Variants in ACTR3C observed in about 807,000 individuals in gnomAD.
ACTR3C encodes actin related protein 3C, also known as actin-related protein 3C.
In ACTR3C, 18 loss-of-function variants were observed where a neutral mutation model predicts 26.3. The observed-to-expected ratio is 0.68, with a 90% CI of 0.47 to 1.01. The LOEUF is 1.01. Among genes scored for constraint, ACTR3C ranks in the 50% least tolerant of loss-of-function variants. The pLI is 0.00. For missense variants in ACTR3C, 184 were observed against 250.7 expected, an observed-to-expected ratio of 0.73 and a Z score of 1.80; for synonymous variants, 55 against 94.5, an observed-to-expected ratio of 0.58 and a Z score of 2.42.
intron 4 of ACTR3C, 47 bp downstream of exon 4, chr7:150,289,403 A>G: frequency 2.0e-6 from 3 of 1,526,660 alleles, no homozygotes; most frequent in South Asian, 2.7e-5. Context: ...TGTCCAGAAC[A>G]CCATCTCTCT....
the ACTR3C span, among the ~76,000 whole-genome samples, chr7:150,227,047 T>G: frequency 0.067 from 8,655 of 129,104 alleles, 632 homozygotes; most frequent in African/African-American, 0.16. Context: ...AATGTGATGT[T>G]TTGACCTACA....
At chr7:150,138,567 C>T in the ACTR3C span, among the ~76,000 whole-genome samples, 22 of 152,258 alleles carry the variant, frequency 1.4e-4, no homozygotes, top group Admixed American at 6.5e-5. Flanking sequence ...TCTGGAGAAG[C>T]ATTCATACTG....
At chr7:150,148,145 T>G in the ACTR3C span, among the ~76,000 whole-genome samples, 1 of 122,266 alleles carries the variant, frequency 8.2e-6, no homozygotes, top group African/African-American at 2.9e-5. Context: ...ACCTCTGAGC[T>G]TAAAAGTTAA....
chr7:149,963,039 A>C, the ACTR3C span, among the ~76,000 whole-genome samples: 1 of 152,218 alleles, frequency 6.6e-6, no homozygotes, highest in Admixed American at 6.5e-5. Flanking sequence ...TGCTGAGCAG[A>C]GGTGTGGACC....
At chr7:149,945,950 G>A in the ACTR3C span, among the ~76,000 whole-genome samples, 57,638 of 151,968 alleles carry the variant, frequency 0.38, 12,257 homozygotes, top group Non-Finnish European at 0.47. Flanking sequence ...GTGGAGGAGG[G>A]AGACAGGCGA....
chr7:149,991,249 AC>A, the ACTR3C span, among the ~76,000 whole-genome samples: 46 of 152,152 alleles, frequency 3.0e-4, no homozygotes, highest in African/African-American at 1.1e-3. Context: ...TGAATCGATT[AC>A]CTCCCACTGT....
chr7:150,161,737 C>G, the ACTR3C span, among the ~76,000 whole-genome samples: 4 of 152,134 alleles, frequency 2.6e-5, no homozygotes, highest in Admixed American at 6.5e-5. Context: ...TGCAGCACTA[C>G]TCACAATAGT....
intron 1 of ACTR3C, among the ~76,000 whole-genome samples, chr7:150,303,715 G>A (rs1158987142): frequency 6.6e-6 from 1 of 152,174 alleles, no homozygotes; most frequent in African/African-American, 2.4e-5. Flanking sequence ...GGAGACAAAT[G>A]TATTATTCTC....
the ACTR3C span, among the ~76,000 whole-genome samples, chr7:150,105,172 T>C: frequency 6.6e-6 from 1 of 150,746 alleles, no homozygotes; most frequent in East Asian, 1.9e-4. Flanking sequence ...AAGCTCTGCC[T>C]CCTGGATTCA....
Position 150,322,152 on chromosome 7 carries a change from T to G in ACTR3C, c.-52+1317A>C, listed in dbSNP as rs549673526. On this transcript the variant is annotated intron_variant, in intron 1 of 7. Transcript: ENST00000683684. The stretch of plus-strand genomic sequence containing the variant: ...ACCAGAGTGGATGCAGGCCCAGATG[T>G]TCTCTGGGTTAGGTGTTAAGGACTT... Among the ~76,000 whole-genome samples, 4 of 152,300 alleles carry G rather than the reference T, an allele frequency of 2.6e-5. No homozygotes were observed. In the South Asian group the frequency reaches 8.3e-4, roughly 32 times the overall value.
chr7:150,064,858 T>C, the ACTR3C span, among the ~76,000 whole-genome samples: 662 of 152,274 alleles, frequency 4.3e-3, 4 homozygotes, highest in African/African-American at 0.015. Context: ...ATAGAGCTAA[T>C]AAATATATGG....
chr7:149,976,095 A>G, the ACTR3C span, among the ~76,000 whole-genome samples: 1 of 152,228 alleles, frequency 6.6e-6, no homozygotes, highest in Non-Finnish European at 1.5e-5. Context: ...GCATGAAACC[A>G]GAGTTCCTCA....
At chr7:150,301,892 A>G (rs1278348424) in intron 1 of ACTR3C, among the ~76,000 whole-genome samples, 1 of 152,072 alleles carries the variant, frequency 6.6e-6, no homozygotes, top group African/African-American at 2.4e-5. Flanking sequence ...TTCGTGTTCA[A>G]TGGGGACAGA....
chr7:149,948,122 A>T, the ACTR3C span, among the ~76,000 whole-genome samples: 1 of 141,244 alleles, frequency 7.1e-6, no homozygotes, highest in Non-Finnish European at 1.5e-5. Context: ...CATGCTTGCA[A>T]TAAGAGCGAT....
chr7:150,049,081 C>T, the ACTR3C span, among the ~76,000 whole-genome samples: 2 of 152,008 alleles, frequency 1.3e-5, no homozygotes, highest in Admixed American at 6.5e-5. Context: ...CGACATGGCT[C>T]CACTCGCCGC....
the ACTR3C span, among the ~76,000 whole-genome samples, chr7:150,121,066 G>A: frequency 6.6e-6 from 1 of 152,110 alleles, no homozygotes; most frequent in African/African-American, 2.4e-5. Context: ...AATAAACTAG[G>A]TATTGATGGG....
chr7:149,981,894 C>G, the ACTR3C span, among the ~76,000 whole-genome samples: 1 of 152,260 alleles, frequency 6.6e-6, no homozygotes, highest in Non-Finnish European at 1.5e-5. Flanking sequence ...CAGCACAGAA[C>G]ATCGGCCGAT....
At chr7:149,995,975 G>C in the ACTR3C span, among the ~76,000 whole-genome samples, 2 of 151,622 alleles carry the variant, frequency 1.3e-5, no homozygotes, top group Non-Finnish European at 2.9e-5. Flanking sequence ...CCATTTTAGA[G>C]AAAGCAGATC....
chr7:149,973,953 A>G, the ACTR3C span, among the ~76,000 whole-genome samples: 1 of 53,294 alleles, frequency 1.9e-5, no homozygotes, highest in African/African-American at 8.1e-5. Flanking sequence ...GTCTGATGCC[A>G]GAGGGAAGAG....
Sources: allele counts gnomAD v4.1 joint callset (sites outside exome capture counted in the v4.1 genomes callset), GRCh38; gene constraint gnomAD v4.1.1; transcripts MANE v1.5; gene names NCBI Gene and HGNC (gene_info 2026-07-23, HGNC 2026-07-21).